Variants in CNTNAP2 observed in about 807,000 individuals in gnomAD.
CNTNAP2 encodes contactin associated protein 2.
In CNTNAP2, 98 loss-of-function variants were observed where a neutral mutation model predicts 155.2. The ratio of observed to expected loss-of-function variants is 0.63; its 90% CI spans 0.54 to 0.75. The LOEUF is 0.75. Among genes scored for constraint, CNTNAP2 ranks in the 30% least tolerant of loss-of-function variants. The pLI, the probability that CNTNAP2 is intolerant of heterozygous loss-of-function variation, is 0.00. For missense variants in CNTNAP2, 1,727 were observed against 1,688.1 expected (o/e 1.02, Z -0.40); for synonymous variants, 651 against 631.2 (o/e 1.03, Z -0.47).
At chr7:146,207,288 G>A (rs896265885) in intron 1 of CNTNAP2, among the ~76,000 whole-genome samples, 1 of 151,832 alleles carries the variant, frequency 6.6e-6, no homozygotes, top group Non-Finnish European at 1.5e-5. Context: ...AAAAATAATG[G>A]GAACTGAAAT....
chr7:146,656,736 C>A (rs1207491978), intron 1 of CNTNAP2, among the ~76,000 whole-genome samples: 1 of 152,158 alleles, frequency 6.6e-6, no homozygotes, highest in East Asian at 1.9e-4. Flanking sequence ...GAAAAATATT[C>A]TTGAAATATT....
intron 4 of CNTNAP2, among the ~76,000 whole-genome samples, chr7:147,045,050 T>G (rs1339830210): frequency 6.6e-6 from 1 of 152,188 alleles, no homozygotes; most frequent in Non-Finnish European, 1.5e-5. Flanking sequence ...AACACGTGAT[T>G]TGCAAACATT....
intron 2 of CNTNAP2, among the ~76,000 whole-genome samples, chr7:146,813,405 T>A (rs1272268745): frequency 6.6e-6 from 1 of 152,194 alleles, no homozygotes; most frequent in Non-Finnish European, 1.5e-5. Flanking sequence ...TCAAAGGAGA[T>A]AACTTTGGAA....
intron 18 of CNTNAP2, among the ~76,000 whole-genome samples, chr7:148,199,965 A>T (rs757631405): frequency 2.0e-5 from 3 of 152,240 alleles, no homozygotes; most frequent in Non-Finnish European, 4.4e-5. Flanking sequence ...AGCTAGAAGC[A>T]CCAACATCTG....
At chr7:146,220,386 A>G (rs1799186955) in intron 1 of CNTNAP2, among the ~76,000 whole-genome samples, 1 of 152,146 alleles carries the variant, frequency 6.6e-6, no homozygotes, top group Admixed American at 6.5e-5. Context: ...TGCCACCTAT[A>G]TCATCATTTA....
chr7:146,343,731 A>G (rs1794770770), intron 1 of CNTNAP2, among the ~76,000 whole-genome samples: 1 of 152,168 alleles, frequency 6.6e-6, no homozygotes, highest in South Asian at 2.1e-4. Flanking sequence ...TGTAAAATAT[A>G]GGATATTTCA....
At chr7:147,065,983 T>C (rs568194093) in intron 4 of CNTNAP2, among the ~76,000 whole-genome samples, 1 of 151,864 alleles carries the variant, frequency 6.6e-6, no homozygotes, top group Non-Finnish European at 1.5e-5. Flanking sequence ...AACTCTGAAG[T>C]ATAAAAAAGG....
intron 1 of CNTNAP2, among the ~76,000 whole-genome samples, chr7:146,272,612 G>C (rs1444325054): frequency 1.3e-5 from 2 of 152,128 alleles, no homozygotes; most frequent in Non-Finnish European, 2.9e-5. Context: ...TAATCATAAA[G>C]AAGTAATGAG....
chr7:147,169,797 C>G (rs186727371), intron 8 of CNTNAP2, among the ~76,000 whole-genome samples: 1 of 152,078 alleles, frequency 6.6e-6, no homozygotes. Flanking sequence ...AAGTTTGGGT[C>G]TTTCTTAAAA....
intron 1 of CNTNAP2, chr7:146,208,565 A>G (rs1584802997): frequency 6.6e-6 from 1 of 152,246 alleles, no homozygotes; most frequent in South Asian, 2.1e-4. Flanking sequence ...ATAATGAGAT[A>G]ATGGTTGCCC....
intron 3 of CNTNAP2, among the ~76,000 whole-genome samples, chr7:146,942,614 T>C (rs1251899338): frequency 3.9e-5 from 6 of 152,064 alleles, no homozygotes; most frequent in African/African-American, 9.7e-5. Context: ...ACAATATATA[T>C]GCAAGAATAA....
At chr7:147,918,653 A>G (rs901826854) in intron 14 of CNTNAP2, among the ~76,000 whole-genome samples, 32 of 152,314 alleles carry the variant, frequency 2.1e-4, no homozygotes, top group African/African-American at 7.2e-4. Flanking sequence ...GGTGAAATCA[A>G]TTACTACCTT....
intron 1 of CNTNAP2, among the ~76,000 whole-genome samples, chr7:146,593,763 A>C (rs968352659): frequency 6.6e-6 from 1 of 152,126 alleles, no homozygotes; most frequent in Non-Finnish European, 1.5e-5. Flanking sequence ...CAACTGAAAA[A>C]AGGTTTTCTT....
chr7:147,887,670 A>C (rs937117420), intron 13 of CNTNAP2, among the ~76,000 whole-genome samples: 31 of 152,236 alleles, frequency 2.0e-4, no homozygotes, highest in African/African-American at 7.5e-4. Flanking sequence ...CAGTGGCTAT[A>C]TGAGGAAGAA....
chr7:146,897,599 G>A (rs978756799), intron 3 of CNTNAP2, among the ~76,000 whole-genome samples: 5 of 149,234 alleles, frequency 3.4e-5, no homozygotes, highest in African/African-American at 7.4e-5. Context: ...TTTTTTTCTT[G>A]GCCTTTAGGA....
intron 3 of CNTNAP2, among the ~76,000 whole-genome samples, chr7:146,979,651 G>T (rs1411309565): frequency 1.3e-5 from 2 of 152,098 alleles, no homozygotes; most frequent in Admixed American, 1.3e-4. Context: ...GCAGTGTTGA[G>T]CCATAAGTCC....
chr7:148,103,012 G>A (rs998197898), intron 15 of CNTNAP2, among the ~76,000 whole-genome samples: 2 of 152,128 alleles, frequency 1.3e-5, no homozygotes, highest in African/African-American at 4.8e-5. Flanking sequence ...AGAAAGGCAG[G>A]ACAACTCGAA....
At chr7:148,294,719 G>A (rs1013669256) in intron 21 of CNTNAP2, among the ~76,000 whole-genome samples, 3 of 152,084 alleles carry the variant, frequency 2.0e-5, no homozygotes, top group African/African-American at 7.2e-5. Flanking sequence ...CCAGACATAA[G>A]AGAACACTAG....
At chr7:147,498,634 T>G (rs1473119229) in intron 11 of CNTNAP2, among the ~76,000 whole-genome samples, 1 of 152,234 alleles carries the variant, frequency 6.6e-6, no homozygotes, top group Non-Finnish European at 1.5e-5. Flanking sequence ...TATTAATAAG[T>G]AACATTTCTC....
Sources: gnomAD v4.1 joint callset for allele counts (sites outside exome capture counted in the v4.1 genomes callset) on GRCh38, gnomAD v4.1.1 for gene constraint, MANE v1.5 for transcripts, NCBI Gene and HGNC (gene_info 2026-07-23, HGNC 2026-07-21) for gene names.